SH3BP4: variants seen among roughly 807,000 people sequenced by gnomAD.
SH3BP4 encodes the protein SH3 domain binding protein 4.
SH3BP4 carries 33 observed loss-of-function variants against 65.5 expected under a neutral mutation model. The ratio of observed to expected loss-of-function variants is 0.50; its 90% confidence interval spans 0.38 to 0.67. SH3BP4 has a LOEUF of 0.67. Among genes scored for constraint, SH3BP4 ranks in the 30% least tolerant of loss-of-function variants. The pLI is 0.00. For synonymous variants in SH3BP4, 552 were observed against 545.5 expected (o/e 1.01, Z -0.17); for missense variants, 1,134 against 1,261.4 (o/e 0.90, Z 1.53).
rs77140237 is a variant in SH3BP4 at position 235,044,641 on chromosome 2, G to A, written c.2478+1394G>A. 4.4e-3 allele frequency among the ~76,000 whole-genome samples: 674 copies of A among 152,366 alleles called. 4 individuals carry two copies. The highest frequency in any genetic ancestry group is 0.015 in the African/African-American group (644 of 41,584). ...CTGAGAGGCGTGCTTCTTGGTGCCC[G>A]GCCTTTCTGCCACCTCCCCGGCTCC... is the stretch of plus-strand genomic sequence containing the variant. On this transcript the variant is annotated intron_variant, in intron 4 of 5. Transcript: ENST00000392011.
intron 2 of SH3BP4, chr2:235,008,738 A>G (rs1241187726): frequency 5.3e-5 from 8 of 152,232 alleles, no homozygotes; most frequent in African/African-American, 1.4e-4. Context: ...TTCTCCCGCT[A>G]GGAAACCTGT....
chr2:235,010,687 ATGTTGGCAGTAC>A (rs1470464443), intron 2 of SH3BP4, among the ~76,000 whole-genome samples: 2 of 152,132 alleles, frequency 1.3e-5, no homozygotes, highest in Non-Finnish European at 2.9e-5. Context: ...TGAAAGCAAG[ATGTTGGCAGTAC>A]TGTGTCTCTC....
chr2:234,973,841 C>A (rs907683361), intron 1 of SH3BP4, among the ~76,000 whole-genome samples: 1 of 151,856 alleles, frequency 6.6e-6, no homozygotes, highest in African/African-American at 2.4e-5. Flanking sequence ...CCCTATGTTG[C>A]CCAGGCTAGT....
Position 235,035,262 on chromosome 2 carries a change from A to G in SH3BP4, c.118+142A>G, listed in dbSNP as rs946427811. Reference sequence around the variant, plus strand: ...TAGTTCTTTAAACTTCATCATGGTAATAGATTTAGCCCTGGAATCATAGTC... The same window carrying G: ...TAGTTCTTTAAACTTCATCATGGTAGTAGATTTAGCCCTGGAATCATAGTC... On this transcript the variant is annotated intron_variant, in intron 3 of 5. Coordinates refer to ENST00000392011, the MANE Select transcript of SH3BP4 (RefSeq NM_014521.3). This position sits in a 1 kb window ranked among gnomAD's most constrained non-coding sequence, Gnocchi z 5.0. The G allele has an allele frequency of 1.4e-6, 1 of 722,882 alleles. No individual in the cohort carries two copies. Among genetic ancestry groups the G allele is most frequent in the African/African-American group, 1.8e-5 (1 of 56,678 alleles). 44.8% of individuals were successfully genotyped at this position (722,882 alleles called of 1,614,324 possible). A position where few individuals can be genotyped will look rare whatever the true frequency, so the allele number is the denominator to read the frequency against.
chr2:235,007,029 C>T (rs1694317128), intron 2 of SH3BP4, among the ~76,000 whole-genome samples: 2 of 152,142 alleles, frequency 1.3e-5, no homozygotes. Flanking sequence ...TAGCACAGGG[C>T]CTGGCCACGG....
Position 234,961,904 on chromosome 2 carries a change from G to A in SH3BP4, c.-207+9734G>A, listed in dbSNP as rs531018992. ...GGGGTGGGGGTGGGGGTGAGGAGGG[G>A]GATGTGTTTGATGAGGCTACAGGTC... On this transcript the variant is annotated intron_variant, in intron 1 of 5. Coordinates refer to ENST00000392011, the MANE Select transcript of SH3BP4 (RefSeq NM_014521.3). Among the ~76,000 whole-genome samples the A allele has an allele frequency of 5.9e-4, 90 of 151,782 alleles. No homozygotes were observed. The South Asian group carries it at 8.1e-3, about 14-fold the overall frequency.
chr2:234,970,815 C>T (rs1692979202), intron 1 of SH3BP4, among the ~76,000 whole-genome samples: 1 of 151,886 alleles, frequency 6.6e-6, no homozygotes, highest in Admixed American at 6.6e-5. Flanking sequence ...TCACTTTTTG[C>T]CTCGTAAAAG....
chr2:235,022,995 G>A (rs940537410), intron 2 of SH3BP4, among the ~76,000 whole-genome samples: 1 of 152,164 alleles, frequency 6.6e-6, no homozygotes, highest in Admixed American at 6.5e-5. Flanking sequence ...CTCCTACTTA[G>A]TGGAGTAATA....
intron 2 of SH3BP4, among the ~76,000 whole-genome samples, chr2:235,028,183 C>T (rs1464443507): frequency 1.3e-5 from 2 of 152,214 alleles, no homozygotes. Context: ...TCCTGTCTTC[C>T]TAGACCTGAC....
At chr2:235,053,562 C>A in intron 5 of SH3BP4, 30 bp from the exon 6 acceptor site, 1 of 1,547,576 alleles carries the variant, frequency 6.5e-7, no homozygotes, top group African/African-American at 1.4e-5. Context: ...CTCTCTCCCT[C>A]CTTTTGTTTT....
At position 235,035,679 on chromosome 2, in the gene SH3BP4, G is replaced by A. The variant is rs1023736045; in HGVS notation, c.118+559G>A. Among the ~76,000 whole-genome samples, 24 of 152,198 alleles carry A rather than the reference G, an allele frequency of 1.6e-4. No individual in the cohort carries two copies. Among genetic ancestry groups the A allele is most frequent in the African/African-American group, 4.1e-4 (17 of 41,440 alleles). ...GACAGCCCCATTTGGCCCCAGGGCC[G>A]TGCTTTACCAACCCCTGATCTAGAA... On this transcript the variant is annotated intron_variant, in intron 3 of 5. Transcript: ENST00000392011. This position sits in a 1 kb window ranked among gnomAD's most constrained non-coding sequence, Gnocchi z 5.0.
chr2:234,973,235 C>A (rs971229447), intron 1 of SH3BP4, among the ~76,000 whole-genome samples: 2 of 152,216 alleles, frequency 1.3e-5, no homozygotes, highest in South Asian at 4.1e-4. Flanking sequence ...TGACGTCGCC[C>A]ACACACCATC....
At chr2:234,968,124 G>A (rs1692885717) in intron 1 of SH3BP4, among the ~76,000 whole-genome samples, 1 of 152,200 alleles carries the variant, frequency 6.6e-6, no homozygotes, top group Non-Finnish European at 1.5e-5. Flanking sequence ...TTAGGGATCT[G>A]GTCAGCTCGG....
chr2:234,965,168 C>A (rs1692807854), intron 1 of SH3BP4, among the ~76,000 whole-genome samples: 1 of 152,230 alleles, frequency 6.6e-6, no homozygotes, highest in Admixed American at 6.5e-5. Context: ...TCACAGCATT[C>A]TTTCATCCCA....
chr2:235,008,865 G>A (rs563258473), intron 2 of SH3BP4, among the ~76,000 whole-genome samples: 57 of 152,276 alleles, frequency 3.7e-4, no homozygotes, highest in South Asian at 1.5e-3. Flanking sequence ...AAAAAAGAAA[G>A]CAATGGGAGC....
chr2:234,957,971 G>A (rs571521401), intron 1 of SH3BP4, among the ~76,000 whole-genome samples: 7 of 152,248 alleles, frequency 4.6e-5, no homozygotes, highest in African/African-American at 1.2e-4. Context: ...CCAGGGGCAC[G>A]TGTCCTACAC....
At chr2:235,022,052 C>T (rs1201527736) in intron 2 of SH3BP4, among the ~76,000 whole-genome samples, 3 of 152,210 alleles carry the variant, frequency 2.0e-5, no homozygotes, top group South Asian at 4.2e-4. Context: ...TTGAATTTGT[C>T]ATCAAGGGAG....
At chr2:235,006,199 A>G (rs918445397) in intron 2 of SH3BP4, among the ~76,000 whole-genome samples, 1 of 152,160 alleles carries the variant, frequency 6.6e-6, no homozygotes, top group African/African-American at 2.4e-5. Flanking sequence ...CAGGTGGGAG[A>G]TGGGAGTCAG....
chr2:234,952,916 C>G lies in SH3BP4; in HGVS notation c.-207+746C>G, dbSNP rs575215639. On this transcript the variant is annotated intron_variant, in intron 1 of 5. Transcript: ENST00000392011. This position sits in a 1 kb window ranked among gnomAD's most constrained non-coding sequence, Gnocchi z 6.5. ...CAGTTGGGACCCCAACCCTGGGTCC[C>G]GCGGCTCCTAGCCCGGGGCCTGCGG... is the stretch of plus-strand genomic sequence containing the variant. 1 of 152,216 alleles carries G rather than the reference C, an allele frequency of 6.6e-6. No homozygotes were observed. The highest frequency in any genetic ancestry group is 1.5e-5 in the Non-Finnish European group (1 of 68,010). 9.4% of individuals were successfully genotyped at this position (152,216 alleles called of 1,614,324 possible).
Sources: allele counts gnomAD v4.1 joint callset (sites outside exome capture counted in the v4.1 genomes callset), GRCh38; gene constraint gnomAD v4.1.1; non-coding constraint Gnocchi (gnomAD v3.1); transcripts MANE v1.5; gene names NCBI Gene and HGNC (gene_info 2026-07-23, HGNC 2026-07-21).